The following SGCD variants were observed in gnomAD, a reference collection of about 807,000 sequenced individuals.
SGCD encodes the protein delta-sarcoglycan.
Under a neutral mutation model 36.6 loss-of-function variants are expected in SGCD, and 18 were observed. That is an observed-to-expected ratio of 0.49 (90% CI 0.34 to 0.73). The LOEUF is 0.73. Ranked by LOEUF, SGCD falls within the 30% of genes least tolerant of loss-of-function variation. SGCD has a pLI of 0.01. For synonymous variants in SGCD, 133 were observed against 130.6 expected (o/e 1.02, Z -0.12); for missense variants, 387 against 346.7 (o/e 1.12, Z -0.92).
intron 3 of SGCD, among the ~76,000 whole-genome samples, chr5:156,265,173 A>G (rs1433574297): frequency 1.3e-5 from 2 of 152,148 alleles, no homozygotes; most frequent in Admixed American, 1.3e-4. Flanking sequence ...GCCTTCATCT[A>G]TTGTAATTAG....
At chr5:156,449,430 A>C (rs1465684908) in intron 3 of SGCD, among the ~76,000 whole-genome samples, 2 of 152,082 alleles carry the variant, frequency 1.3e-5, no homozygotes, top group African/African-American at 4.8e-5. Flanking sequence ...ATGTTTGTGA[A>C]CTGAACAAAT....
intron 7 of SGCD, among the ~76,000 whole-genome samples, chr5:156,674,317 G>A (rs562083755): frequency 2.0e-5 from 3 of 152,312 alleles, no homozygotes; most frequent in Non-Finnish European, 2.9e-5. Context: ...ATCCCATAGC[G>A]TGAGCCATGC....
chr5:156,391,751 ACT>A (rs768214910), intron 3 of SGCD, among the ~76,000 whole-genome samples: 2 of 152,076 alleles, frequency 1.3e-5, no homozygotes, highest in Non-Finnish European at 2.9e-5. Flanking sequence ...CTAAGGGATG[ACT>A]CTCTATATAC....
chr5:156,598,145 T>A (rs573870658), intron 6 of SGCD, among the ~76,000 whole-genome samples: 2 of 152,214 alleles, frequency 1.3e-5, no homozygotes, highest in Non-Finnish European at 2.9e-5. Flanking sequence ...ACTTTTCCTA[T>A]TTTCACAATT....
intron 3 of SGCD, among the ~76,000 whole-genome samples, chr5:156,386,025 A>T (rs1224283283): frequency 2.0e-5 from 3 of 152,232 alleles, no homozygotes; most frequent in African/African-American, 7.2e-5. Flanking sequence ...CAGATCTCCT[A>T]TCAGGTAATG....
At chr5:156,569,518 G>T (rs939132372) in intron 4 of SGCD, among the ~76,000 whole-genome samples, 2 of 151,806 alleles carry the variant, frequency 1.3e-5, no homozygotes, top group Non-Finnish European at 2.9e-5. Flanking sequence ...CTTGAACTTC[G>T]GAGGCAGAGG....
intron 1 of SGCD, among the ~76,000 whole-genome samples, chr5:155,965,035 G>C (rs1279411923): frequency 2.6e-5 from 4 of 152,048 alleles, no homozygotes; most frequent in African/African-American, 9.7e-5. Flanking sequence ...TGGGTGCAGG[G>C]GGATGAAGAC....
intron 3 of SGCD, among the ~76,000 whole-genome samples, chr5:156,389,973 C>G (rs1160791081): frequency 2.0e-5 from 3 of 152,020 alleles, no homozygotes; most frequent in African/African-American, 7.2e-5. Context: ...ATTGATGGAG[C>G]TGAAAAATTT....
intron 1 of SGCD, among the ~76,000 whole-genome samples, chr5:155,901,406 T>C (rs1035126442): frequency 1.3e-5 from 2 of 151,792 alleles, no homozygotes; most frequent in African/African-American, 4.8e-5. Context: ...TAAATTAAGG[T>C]GCTCAGATTC....
At chr5:156,186,864 T>C (rs1284534088) in intron 3 of SGCD, among the ~76,000 whole-genome samples, 1 of 152,232 alleles carries the variant, frequency 6.6e-6, no homozygotes, top group African/African-American at 2.4e-5. Context: ...GTCAGCCAGA[T>C]AGCTCTGCCT....
intron 1 of SGCD, among the ~76,000 whole-genome samples, chr5:156,021,240 T>A (rs1759089829): frequency 6.6e-6 from 1 of 152,140 alleles, no homozygotes. Flanking sequence ...CATAATTTTT[T>A]AAAAAAGTTT....
At chr5:155,904,491 T>C (rs189475811) in intron 1 of SGCD, among the ~76,000 whole-genome samples, 1 of 152,352 alleles carries the variant, frequency 6.6e-6, no homozygotes, top group East Asian at 1.9e-4. Flanking sequence ...AATTGTACTT[T>C]GTCTATCATT....
Position 156,043,451 on chromosome 5 carries a change from G to A in SGCD, c.-281-74427G>A, listed in dbSNP as rs147165424. ...GCAGCAACTGTCTAATTTCTCAGGG[G>A]TTTGGCAAAATTTCACCTCTCTAGT... On this transcript the variant is annotated intron_variant, in intron 1 of 9. Coordinates refer to the SGCD transcript ENST00000517913. 4.2e-3 allele frequency among the ~76,000 whole-genome samples: 636 copies of A among 152,224 alleles called. 6 individuals carry two copies. Among genetic ancestry groups the A allele is most frequent in the Non-Finnish European group, 4.4e-3 (300 of 68,012 alleles).
intron 3 of SGCD, among the ~76,000 whole-genome samples, chr5:156,470,445 A>G (rs1015042990): frequency 6.6e-6 from 1 of 151,882 alleles, no homozygotes; most frequent in Admixed American, 6.6e-5. Context: ...TGCACCCACT[A>G]ACTCGTCATT....
chr5:156,299,216 T>A (rs1484208918), intron 3 of SGCD, among the ~76,000 whole-genome samples: 1 of 152,212 alleles, frequency 6.6e-6, no homozygotes, highest in African/African-American at 2.4e-5. Flanking sequence ...CCAGTGTATG[T>A]TCTTGGCACC....
chr5:156,042,384 C>G (rs952025742), intron 1 of SGCD, among the ~76,000 whole-genome samples: 1 of 152,110 alleles, frequency 6.6e-6, no homozygotes, highest in Non-Finnish European at 1.5e-5. Context: ...ATTGGGATGA[C>G]TCCACAGCCC....
intron 2 of SGCD, among the ~76,000 whole-genome samples, chr5:156,331,635 C>T (rs1768071069): frequency 6.6e-6 from 1 of 152,156 alleles, no homozygotes; most frequent in Admixed American, 6.5e-5. Flanking sequence ...TTGTGAGCAC[C>T]TTGACTTCCA....
chr5:155,779,772 C>T, the SGCD span, among the ~76,000 whole-genome samples: 1 of 152,146 alleles, frequency 6.6e-6, no homozygotes, highest in Non-Finnish European at 1.5e-5. Flanking sequence ...ACAGTCCCCT[C>T]AGTAATTCTT....
chr5:156,421,034 TAAATC>T (rs751653411), intron 3 of SGCD, among the ~76,000 whole-genome samples: 1 of 151,824 alleles, frequency 6.6e-6, no homozygotes, highest in Non-Finnish European at 1.5e-5. Context: ...TTATTTCCCT[TAAATC>T]AAATGCTTAT....
Sources: gnomAD v4.1 joint callset for allele counts (sites outside exome capture counted in the v4.1 genomes callset) on GRCh38, gnomAD v4.1.1 for gene constraint, MANE v1.5 for transcripts, NCBI Gene and HGNC (gene_info 2026-07-23, HGNC 2026-07-21) for gene names.